Variants in SSH2 observed in about 807,000 individuals in gnomAD.
SSH2 encodes the protein slingshot protein phosphatase 2, also known as protein phosphatase Slingshot homolog 2.
A neutral mutation model predicts 135.2 loss-of-function variants in SSH2; 37 were observed. The observed-to-expected ratio is 0.27, with a 90% confidence interval of 0.21 to 0.36. The LOEUF (loss-of-function observed/expected upper bound fraction) is 0.36. SSH2 is among the 10% of genes least tolerant of loss of function. SSH2 has a pLI of 1.00. For missense variants in SSH2, 1,408 were observed against 1,765.3 expected (o/e 0.80, Z 3.63); for synonymous variants, 628 against 646.2 (o/e 0.97, Z 0.43).
At chr17:29,735,701 A>T in intron 3 of SSH2, among the ~76,000 whole-genome samples, 1 of 150,840 alleles carries the variant, frequency 6.6e-6, no homozygotes, top group African/African-American at 2.4e-5. Context: ...TGTCTCAAAA[A>T]AAAAAAAAAA....
intron 4 of SSH2, among the ~76,000 whole-genome samples, chr17:29,697,045 G>T (rs189196547): frequency 6.6e-6 from 1 of 152,086 alleles, no homozygotes; most frequent in African/African-American, 2.4e-5. Flanking sequence ...CATATTATTA[G>T]GTTCTTTAAA....
chr17:29,823,629 G>A (rs940544807), intron 2 of SSH2, among the ~76,000 whole-genome samples: 7 of 152,120 alleles, frequency 4.6e-5, no homozygotes, highest in African/African-American at 1.7e-4. Context: ...TGTAATCCCA[G>A]CACTTTGGGA....
rs1272699646 is a variant in SSH2 at position 29,698,390 on chromosome 17, A to AGTT, written c.293-2868_293-2867insAAC. 2.6e-5 allele frequency among the ~76,000 whole-genome samples: 4 copies of AGTT among 152,372 alleles called. No individual in the cohort carries two copies. In the South Asian group the frequency reaches 6.2e-4, roughly 24 times the overall value. ...CAATAAAGCTGTTAAACAAAAAATAAAAGAACAAGTATGAGGAGACAAAGT... is the reference window on the plus strand; with the variant it reads ...CAATAAAGCTGTTAAACAAAAAATAAGTTAAGAACAAGTATGAGGAGACAAAGT... On this transcript the variant is annotated intron_variant, in intron 4 of 15. Coordinates refer to ENST00000540801, the MANE Select transcript of SSH2 (RefSeq NM_001282129.2).
chr17:29,681,224 G>T (rs1367821923), intron 6 of SSH2, among the ~76,000 whole-genome samples: 1 of 149,636 alleles, frequency 6.7e-6, no homozygotes, highest in African/African-American at 2.5e-5. Context: ...AGTCCCAGCT[G>T]CTTGGGAGGC....
rs764763821 is a variant in SSH2, at chr17:29,657,574, G to GTTTTTTTT, written c.1033-1975_1033-1968dup. 2.7e-4 allele frequency among the ~76,000 whole-genome samples: 22 copies of GTTTTTTTT among 80,066 alleles called. 2 individuals are homozygous for GTTTTTTTT. Among genetic ancestry groups the GTTTTTTTT allele is most frequent in the East Asian group, 1.6e-3 (4 of 2,438 alleles). The allele number at this position is 80,066 out of a possible 152,430, so 52.5% of individuals were successfully genotyped here. On this transcript the variant is annotated intron_variant, in intron 11 of 15. Coordinates refer to ENST00000540801, the MANE Select transcript of SSH2 (RefSeq NM_001282129.2). ...GTGAGCCACTGTGCCCGGCTACTTT[G>GTTTTTTTT]TTTTTTTTTTTTTTTTTTTTTTTTA...
intron 12 of SSH2, among the ~76,000 whole-genome samples, chr17:29,651,945 C>G (rs1197145631): frequency 6.6e-6 from 1 of 152,172 alleles, no homozygotes; most frequent in Non-Finnish European, 1.5e-5. Context: ...AAGTTTGAGA[C>G]CAGCCTGGTC....
At chr17:29,877,329 C>T (rs1312536259) in intron 1 of SSH2, among the ~76,000 whole-genome samples, 2 of 152,080 alleles carry the variant, frequency 1.3e-5, no homozygotes, top group Non-Finnish European at 2.9e-5. Flanking sequence ...TCTCAAAAAA[C>T]TAAAAATAGA....
chr17:29,788,955 T>C (rs1280382647), intron 3 of SSH2, among the ~76,000 whole-genome samples: 1 of 152,196 alleles, frequency 6.6e-6, no homozygotes, highest in African/African-American at 2.4e-5. Flanking sequence ...GAAATATGGA[T>C]GGAAAAGCCC....
intron 14 of SSH2, among the ~76,000 whole-genome samples, chr17:29,637,364 AC>A (rs2035953902): frequency 6.6e-6 from 1 of 152,024 alleles, no homozygotes; most frequent in Admixed American, 6.6e-5. Context: ...CCCCCACCAC[AC>A]CCAGCTGAAC....
chr17:29,699,961 G>C (rs1436687131), intron 4 of SSH2, among the ~76,000 whole-genome samples: 1 of 152,166 alleles, frequency 6.6e-6, no homozygotes, highest in African/African-American at 2.4e-5. Flanking sequence ...TGGCTGGAGA[G>C]TTCTGGTAGG....
At chr17:29,643,152 T>A (rs554060096) in intron 14 of SSH2, 4 of 985,292 alleles carry the variant, frequency 4.1e-6, no homozygotes, top group Non-Finnish European at 4.8e-6. Context: ...GTCTGGAGAT[T>A]TTTTTCTTTG....
At position 29,627,421 on chromosome 17, in the gene SSH2, CCCAA is replaced by C. The variant is rs1433620604; in HGVS notation, c.*3416_*3419del. The C allele has an allele frequency of 6.6e-6, 1 of 152,424 alleles. No individual in the cohort carries two copies. Among genetic ancestry groups the C allele is most frequent in the African/African-American group, 2.4e-5 (1 of 41,406 alleles). 9.4% of individuals were successfully genotyped at this position (152,424 alleles called of 1,614,324 possible). A position where few individuals can be genotyped will look rare whatever the true frequency, so the allele number is the denominator to read the frequency against. ...CTTCTCATAGGAAGCTTTGAGTTTA[CCCAA>C]CAGCATCTGTCTGGGGCCTGTGAGC... On this transcript the variant is annotated 3_prime_UTR_variant, in exon 16 of 16. Coordinates refer to ENST00000540801, the MANE Select transcript of SSH2 (RefSeq NM_001282129.2).
intron 11 of SSH2, among the ~76,000 whole-genome samples, chr17:29,658,968 C>T (rs1189464550): frequency 6.7e-6 from 1 of 150,090 alleles, no homozygotes; most frequent in African/African-American, 2.4e-5. Flanking sequence ...TTCTGATTTA[C>T]TCTATTTTGA....
Position 29,650,817 on chromosome 17 carries a change from G to A in SSH2, c.1080-17C>T, listed in dbSNP as rs1216812199. The A allele has an allele frequency of 6.3e-7, 1 of 1,588,358 alleles. No homozygotes were observed. Among genetic ancestry groups the A allele is most frequent in the Non-Finnish European group, 8.6e-7 (1 of 1,165,828 alleles). The stretch of plus-strand genomic sequence containing the variant: ...TACCGTACCCTGCAAGGAAACCAAG[G>A]GAGAATATGTGCTCTACTACTCAGG... On this transcript the variant is annotated splice_polypyrimidine_tract_variant and intron_variant, in intron 12 of 15. Transcript: ENST00000540801.
In SSH2 at chr17:29,775,196, T is replaced by C. The variant is rs185401373; in HGVS notation, c.188+18698A>G. Among the ~76,000 whole-genome samples the C allele has an allele frequency of 2.7e-4, 41 of 152,246 alleles. 1 individual carries two copies. The highest frequency in any genetic ancestry group is 2.3e-3 in the Admixed American group (35 of 15,290). On this transcript the variant is annotated intron_variant, in intron 3 of 15. Transcript: ENST00000540801. ...TGCCTATTAATTGCCAGGGCTTGGA[T>C]TGGACCTTGAGGATGAAAAATGAAG...
chr17:29,801,981 C>T (rs546329013), intron 2 of SSH2, among the ~76,000 whole-genome samples: 44 of 152,310 alleles, frequency 2.9e-4, no homozygotes, highest in African/African-American at 9.9e-4. Flanking sequence ...CAAAGACTAT[C>T]CTTTTGGTTA....
intron 3 of SSH2, among the ~76,000 whole-genome samples, chr17:29,780,269 C>A (rs1208961807): frequency 6.6e-6 from 1 of 151,976 alleles, no homozygotes; most frequent in African/African-American, 2.4e-5. Context: ...ATGTATATTT[C>A]CTGTCATAAG....
chr17:29,746,547 C>CA (rs57217896), intron 3 of SSH2, among the ~76,000 whole-genome samples: 5,842 of 67,458 alleles, frequency 0.087, 387 homozygotes, highest in Non-Finnish European at 0.11. Flanking sequence ...GACTCTGTCT[C>CA]AAAAAAAAAA....
At chr17:29,693,477 A>G (rs1265030626) in intron 5 of SSH2, among the ~76,000 whole-genome samples, 1 of 149,220 alleles carries the variant, frequency 6.7e-6, no homozygotes, top group African/African-American at 2.5e-5. Flanking sequence ...ACACCTGGCT[A>G]ATTTTTGTAT....
Sources: allele counts gnomAD v4.1 joint callset (sites outside exome capture counted in the v4.1 genomes callset), GRCh38; gene constraint gnomAD v4.1.1; transcripts MANE v1.5; gene names NCBI Gene and HGNC (gene_info 2026-07-23, HGNC 2026-07-21).